Variants in LRMDA observed in about 807,000 individuals in gnomAD.
The protein encoded by LRMDA is leucine-rich melanocyte differentiation-associated protein.
LRMDA carries 18 observed loss-of-function variants against 29.8 expected under a neutral mutation model. The ratio of observed to expected loss-of-function variants is 0.60; its 90% CI spans 0.42 to 0.90. LRMDA has a LOEUF of 0.90. Among genes scored for constraint, LRMDA ranks in the 40% least tolerant of loss-of-function variants. The pLI is 0.00. For synonymous variants in LRMDA, 125 were observed against 109.4 expected, an observed-to-expected ratio of 1.14 and a Z score of -0.89; for missense variants, 273 against 273.9, an observed-to-expected ratio of 1.00 and a Z score of 0.02.
At chr10:76,356,577 A>T (rs1841242484) in intron 6 of LRMDA, among the ~76,000 whole-genome samples, 1 of 152,108 alleles carries the variant, frequency 6.6e-6, no homozygotes, top group Non-Finnish European at 1.5e-5. Context: ...GGTTCCTGAC[A>T]TTTTCCTTAA....
intron 2 of LRMDA, among the ~76,000 whole-genome samples, chr10:75,926,236 C>T (rs1156498315): frequency 1.3e-5 from 2 of 152,014 alleles, no homozygotes; most frequent in Non-Finnish European, 2.9e-5. Flanking sequence ...CAGGTTGAGC[C>T]ACCTAGCAGG....
At chr10:75,804,412 GT>G (rs1465016392) in intron 2 of LRMDA, among the ~76,000 whole-genome samples, 1 of 152,234 alleles carries the variant, frequency 6.6e-6, no homozygotes, top group Non-Finnish European at 1.5e-5. Flanking sequence ...GAAAATTCCT[GT>G]TGGTGTGCTG....
At chr10:76,136,983 T>C (rs975122693) in intron 5 of LRMDA, among the ~76,000 whole-genome samples, 8 of 152,236 alleles carry the variant, frequency 5.3e-5, no homozygotes, top group African/African-American at 1.9e-4. Flanking sequence ...AATGCCTGCC[T>C]AGCCCTCCTG....
chr10:75,892,417 G>T (rs1245315004), intron 2 of LRMDA, among the ~76,000 whole-genome samples: 3 of 152,136 alleles, frequency 2.0e-5, no homozygotes, highest in African/African-American at 7.2e-5. Context: ...GGATGGATGA[G>T]ATATTCCAAC....
intron 2 of LRMDA, among the ~76,000 whole-genome samples, chr10:75,526,858 CAAA>C (rs57071985): frequency 7.5e-6 from 1 of 133,594 alleles, no homozygotes. Flanking sequence ...GGCCCTATCT[CAAA>C]AAAAAAAAAA....
intron 6 of LRMDA, among the ~76,000 whole-genome samples, chr10:76,485,029 A>T (rs1005615079): frequency 2.0e-5 from 3 of 151,668 alleles, no homozygotes; most frequent in African/African-American, 7.3e-5. Flanking sequence ...CTGTATTTAT[A>T]CTTAAAATAG....
intron 2 of LRMDA, among the ~76,000 whole-genome samples, chr10:75,787,415 C>T (rs1242897579): frequency 3.9e-5 from 6 of 152,104 alleles, no homozygotes; most frequent in African/African-American, 9.7e-5. Flanking sequence ...TCTCAGGAGG[C>T]GCCTGAATCT....
intron 2 of LRMDA, among the ~76,000 whole-genome samples, chr10:75,696,136 G>T (rs1188804127): frequency 1.3e-5 from 2 of 152,164 alleles, no homozygotes; most frequent in Non-Finnish European, 2.9e-5. Flanking sequence ...TTTAATTTCA[G>T]ACTGCCCATT....
At chr10:75,765,446 C>G (rs1843150756) in intron 2 of LRMDA, among the ~76,000 whole-genome samples, 1 of 152,098 alleles carries the variant, frequency 6.6e-6, no homozygotes, top group African/African-American at 2.4e-5. Context: ...ATTTCTCTCC[C>G]CAGCCTTGAA....
At chr10:76,443,063 A>G (rs1011576353) in intron 6 of LRMDA, among the ~76,000 whole-genome samples, 7 of 152,298 alleles carry the variant, frequency 4.6e-5, no homozygotes, top group African/African-American at 1.7e-4. Flanking sequence ...TGAATTAGCT[A>G]TGGAGTCAGG....
chr10:75,677,387 T>C (rs202131055), intron 2 of LRMDA, among the ~76,000 whole-genome samples: 3 of 37,480 alleles, frequency 8.0e-5, no homozygotes, highest in African/African-American at 1.1e-4. Context: ...GCTGCAGATA[T>C]CCCAGTCAAA....
chr10:76,021,659 G>A (rs1672101824), intron 2 of LRMDA, among the ~76,000 whole-genome samples: 1 of 152,176 alleles, frequency 6.6e-6, no homozygotes, highest in African/African-American at 2.4e-5. Context: ...ATGAAGAGCT[G>A]TGAATCTTGA....
At chr10:76,272,253 A>G (rs548971151) in intron 5 of LRMDA, among the ~76,000 whole-genome samples, 6 of 152,326 alleles carry the variant, frequency 3.9e-5, no homozygotes, top group Non-Finnish European at 8.8e-5. Context: ...GTCTACTAAT[A>G]TATGGACACA....
intron 5 of LRMDA, among the ~76,000 whole-genome samples, chr10:76,280,397 A>T (rs183324375): frequency 2.0e-5 from 3 of 152,312 alleles, no homozygotes; most frequent in Admixed American, 2.0e-4. Flanking sequence ...AGAGTGAAGA[A>T]TTATATGGAA....
intron 2 of LRMDA, among the ~76,000 whole-genome samples, chr10:75,759,154 A>C (rs958559847): frequency 2.0e-5 from 3 of 152,190 alleles, no homozygotes; most frequent in Non-Finnish European, 4.4e-5. Flanking sequence ...AAGGTTAGCA[A>C]ATTCCGTACA....
At chr10:76,015,426 T>A (rs1002497701) in intron 2 of LRMDA, among the ~76,000 whole-genome samples, 2 of 152,192 alleles carry the variant, frequency 1.3e-5, no homozygotes, top group African/African-American at 4.8e-5. Flanking sequence ...TGCTGGCAGT[T>A]GGTTGGAGAC....
At chr10:75,608,969 C>T (rs1589134123) in intron 2 of LRMDA, among the ~76,000 whole-genome samples, 1 of 152,226 alleles carries the variant, frequency 6.6e-6, no homozygotes, top group South Asian at 2.1e-4. Flanking sequence ...AGTGACCCTT[C>T]ACTATACTCA....
intron 2 of LRMDA, among the ~76,000 whole-genome samples, chr10:75,808,652 G>C (rs893413113): frequency 5.9e-5 from 9 of 152,022 alleles, no homozygotes; most frequent in Non-Finnish European, 7.4e-5. Flanking sequence ...TGGGATTATA[G>C]GCATGCACCA....
At chr10:76,045,516 G>A (rs1848424083) in intron 3 of LRMDA, among the ~76,000 whole-genome samples, 1 of 151,730 alleles carries the variant, frequency 6.6e-6, no homozygotes. Context: ...TCTTCTGCTT[G>A]TACTCTGCTT....
Sources: gnomAD v4.1 joint callset for allele counts (sites outside exome capture counted in the v4.1 genomes callset) on GRCh38, gnomAD v4.1.1 for gene constraint, MANE v1.5 for transcripts, NCBI Gene and HGNC (gene_info 2026-07-23, HGNC 2026-07-21) for gene names.